DTHD1: variants seen among roughly 807,000 people sequenced by gnomAD.
The protein encoded by DTHD1 is death domain-containing protein 1.
In DTHD1, 59 loss-of-function variants were observed where a neutral mutation model predicts 74.8. That is an observed-to-expected ratio of 0.79 (90% confidence interval 0.64 to 0.98). The LOEUF (loss-of-function observed/expected upper bound fraction) is 0.98. Among genes scored for constraint, DTHD1 ranks in the 50% least tolerant of loss-of-function variants. DTHD1 has a pLI of 0.00. For synonymous variants in DTHD1, 365 were observed against 371.1 expected (o/e 0.98, Z 0.19); for missense variants, 1,051 against 1,065.4 (o/e 0.99, Z 0.19).
chr4:36,316,559 A>G (rs1375478415), intron 8 of DTHD1, 73 bp downstream of exon 8: 2 of 1,406,254 alleles, frequency 1.4e-6, no homozygotes, highest in Non-Finnish European at 1.9e-6. Flanking sequence ...TCAGTTTTTC[A>G]GTCATAGAGA....
chr4:36,281,816 A>G lies in DTHD1; in HGVS notation c.58A>G (p.Arg20Gly). 1 of 1,241,946 alleles carries G rather than the reference A, an allele frequency of 8.1e-7. No individual in the cohort carries two copies. Among genetic ancestry groups the G allele is most frequent in the Non-Finnish European group, 1.0e-6 (1 of 991,482 alleles). 76.9% of individuals were successfully genotyped at this position (1,241,946 alleles called of 1,614,324 possible). Reference sequence around the variant, plus strand: ...GGGCCAAATATTGAAGCAGATTTGGAGACAAAACCAGATGCTAAAGCAGGC... The same window carrying G: ...GGGCCAAATATTGAAGCAGATTTGGGGACAAAACCAGATGCTAAAGCAGGC... ...KLGQILKQIW[R>G]QNQMLKQALL... Residue 20 changes from arginine (R) to glycine (G), a missense_variant, in exon 1 of 10, where the codon AGA becomes GGA. Arg to Gly is a moderately radical substitution (Grantham distance 125). Transcript: ENST00000639862.
intron 1 of DTHD1, among the ~76,000 whole-genome samples, chr4:36,283,480 A>C (rs1414588288): frequency 1.3e-5 from 2 of 152,224 alleles, no homozygotes; most frequent in Non-Finnish European, 2.9e-5. Flanking sequence ...CTCCAAAACA[A>C]AGCATCTACA....
In DTHD1 at chr4:36,318,763, C is replaced by T. The variant is rs937277110; in HGVS notation, c.2340+2277C>T. On this transcript the variant is annotated intron_variant, in intron 8 of 9. Transcript: ENST00000639862. The stretch of plus-strand genomic sequence containing the variant: ...CCGAGTAGCTGGGACTACAGGCGCC[C>T]GCCACCACGCCCAGCTAATTTTTTG... 1.3e-3 allele frequency among the ~76,000 whole-genome samples: 190 copies of T among 151,902 alleles called. 1 individual carries two copies. Among genetic ancestry groups the T allele is most frequent in the African/African-American group, 4.2e-3 (172 of 41,438 alleles).
chr4:36,296,278 T>A (rs998561879), intron 5 of DTHD1, among the ~76,000 whole-genome samples: 12 of 152,162 alleles, frequency 7.9e-5, no homozygotes, highest in Admixed American at 3.3e-4. Flanking sequence ...GTTTTGTTTT[T>A]AAATACAAGG....
chr4:36,321,652 C>T (rs1758043567), intron 8 of DTHD1, among the ~76,000 whole-genome samples: 2 of 152,156 alleles, frequency 1.3e-5, no homozygotes, highest in Non-Finnish European at 2.9e-5. Context: ...TTGCCTGAAT[C>T]ATCCTGAAAC....
At chr4:36,335,496 G>A (rs114496681) in intron 8 of DTHD1, among the ~76,000 whole-genome samples, 202 of 152,146 alleles carry the variant, frequency 1.3e-3, no homozygotes, top group African/African-American at 4.6e-3. Flanking sequence ...TAAGGTGCTG[G>A]GATTATAAGC....
intron 8 of DTHD1, among the ~76,000 whole-genome samples, chr4:36,336,782 A>G (rs1315792372): frequency 1.3e-5 from 2 of 152,256 alleles, no homozygotes; most frequent in Non-Finnish European, 2.9e-5. Context: ...GTTTCAAAGT[A>G]TATTTCAAGG....
chr4:36,284,632 T>G (rs994074170), intron 2 of DTHD1, 41 bp downstream of exon 2: 1 of 1,382,598 alleles, frequency 7.2e-7, no homozygotes, highest in Admixed American at 2.6e-5. Flanking sequence ...GTATGCCTAC[T>G]TATATGTGTG....
At chr4:36,296,506 C>T (rs1756407970) in intron 5 of DTHD1, among the ~76,000 whole-genome samples, 1 of 151,938 alleles carries the variant, frequency 6.6e-6, no homozygotes, top group Admixed American at 6.6e-5. Context: ...AACAAAACAT[C>T]AGCATGGTGA....
intron 5 of DTHD1, among the ~76,000 whole-genome samples, chr4:36,299,431 C>T (rs13138374): frequency 0.18 from 27,270 of 152,116 alleles, 2,981 homozygotes; most frequent in Non-Finnish European, 0.24. Flanking sequence ...CTTTATTTTG[C>T]CTGCTGCTTT....
intron 8 of DTHD1, among the ~76,000 whole-genome samples, chr4:36,318,791 TTTTTAGTAGAGACGGGG>T (rs1410623764): frequency 6.6e-6 from 1 of 152,088 alleles, no homozygotes; most frequent in Admixed American, 6.5e-5. Flanking sequence ...ATTTTTTGTA[TTTTTAGTAGAGACGGGG>T]TTTCACCGTG....
rs1380125392 is a variant in DTHD1 at position 36,343,668 on chromosome 4, GA to G, written c.2571del (p.Lys857AsnfsTer47). ...EQIHEFLCFWKKSLPTFTDKL... is the reference protein window; with the variant it reads ...EQIHEFLCFWXKSLPTFTDKL... ...AGATCCACGAGTTTCTTTGCTTCTG[GA>G]AAAAATCGCTTCCAACTTTCACCGA... On this transcript the variant is annotated frameshift_variant, in exon 10 of 10. Transcript: ENST00000639862. LOFTEE classifies it high-confidence loss of function. 9.0e-6 allele frequency: 14 copies of G among 1,551,630 alleles called. No individual in the cohort carries two copies. Among genetic ancestry groups the G allele is most frequent in the Middle Eastern group, 1.7e-4 (1 of 6,012 alleles).
rs1344500221 is a variant in DTHD1, at chr4:36,343,781, T to A, written c.2678T>A (p.Val893Glu). The A allele has an allele frequency of 2.6e-6, 4 of 1,551,152 alleles. No individual in the cohort carries two copies. In the South Asian group the frequency reaches 3.6e-5, roughly 14 times the overall value. Residue 893 changes from valine (V) to glutamate (E), a missense_variant, in exon 10 of 10, where the codon GTG becomes GAG. Transcript: ENST00000639862. ...EELKFKWENKVFTEPQQCFDV... is the reference protein window; with the variant it reads ...EELKFKWENKEFTEPQQCFDV... ...CTCAAATTCAAGTGGGAAAATAAAG[T>A]GTTCACTGAACCACAGCAGTGTTTT...
At chr4:36,293,446 T>C in intron 3 of DTHD1, 80 bp from the exon 4 acceptor site, 1 of 1,174,644 alleles carries the variant, frequency 8.5e-7, no homozygotes, top group Non-Finnish European at 1.1e-6. Flanking sequence ...TAGATTTTTT[T>C]GACAATCCAT....
chr4:36,302,706 T>A (rs894767511), intron 5 of DTHD1, among the ~76,000 whole-genome samples: 2 of 152,230 alleles, frequency 1.3e-5, no homozygotes, highest in Non-Finnish European at 2.9e-5. Flanking sequence ...GCAATGTGGC[T>A]ATGTGGACTT....
chr4:36,287,921 C>T (rs1755814575), intron 2 of DTHD1, among the ~76,000 whole-genome samples: 1 of 151,972 alleles, frequency 6.6e-6, no homozygotes, highest in South Asian at 2.1e-4. Context: ...AGATTTTCTC[C>T]CACTCTGTTG....
chr4:36,301,141 C>G (rs1343823904), intron 5 of DTHD1, among the ~76,000 whole-genome samples: 6 of 152,068 alleles, frequency 3.9e-5, no homozygotes, highest in Admixed American at 3.9e-4. Context: ...GGCCATTTAA[C>G]TGGGAAAGAT....
intron 7 of DTHD1, 76 bp from the exon 8 acceptor site, chr4:36,316,166 A>G: frequency 7.2e-7 from 1 of 1,384,254 alleles, no homozygotes; most frequent in Non-Finnish European, 9.7e-7. Context: ...CGATCTCCTG[A>G]CCTCGTGATC....
chr4:36,319,045 GTTATTC>G (rs1757915553), intron 8 of DTHD1, among the ~76,000 whole-genome samples: 1 of 152,142 alleles, frequency 6.6e-6, no homozygotes, highest in Non-Finnish European at 1.5e-5. Context: ...GATGTCACTT[GTTATTC>G]TTATTCCCTT....
Sources: gnomAD v4.1 joint callset for allele counts (sites outside exome capture counted in the v4.1 genomes callset) on GRCh38, gnomAD v4.1.1 for gene constraint, MANE v1.5 for transcripts, NCBI Gene and HGNC (gene_info 2026-07-23, HGNC 2026-07-21) for gene names.